Variants in PLPP3 observed in about 807,000 individuals in gnomAD.
PLPP3 encodes phospholipid phosphatase 3.
Under a neutral mutation model 29.6 loss-of-function variants are expected in PLPP3, and 6 were observed. The observed-to-expected ratio is 0.20, with a 90% confidence interval of 0.11 to 0.40. The LOEUF is 0.40. Ranked by LOEUF, PLPP3 falls within the 10% of genes least tolerant of loss-of-function variation. PLPP3 has a pLI of 1.00. For synonymous variants in PLPP3, 152 were observed against 159.7 expected (o/e 0.95, Z 0.36); for missense variants, 308 against 407.7 (o/e 0.76, Z 2.11).
chr1:56,563,527 T>G (rs968592190), intron 1 of PLPP3, among the ~76,000 whole-genome samples: 3 of 152,222 alleles, frequency 2.0e-5, no homozygotes, highest in African/African-American at 7.2e-5. Flanking sequence ...GCTCCTGACC[T>G]TTTCTTCTAA....
chr1:56,552,976 G>A (rs1276414628), intron 1 of PLPP3, among the ~76,000 whole-genome samples: 1 of 152,120 alleles, frequency 6.6e-6, no homozygotes, highest in Admixed American at 6.5e-5. Flanking sequence ...TTTCTTCGCT[G>A]AGCCTGTATT....
chr1:56,554,108 T>C (rs980856515), intron 1 of PLPP3, among the ~76,000 whole-genome samples: 2 of 151,918 alleles, frequency 1.3e-5, no homozygotes, highest in Admixed American at 6.6e-5. Flanking sequence ...ATTGAGAATA[T>C]GGATAGCAGA....
At chr1:56,562,424 T>A (rs1377094359) in intron 1 of PLPP3, among the ~76,000 whole-genome samples, 1 of 152,162 alleles carries the variant, frequency 6.6e-6, no homozygotes, top group African/African-American at 2.4e-5. Flanking sequence ...GTAAAGACAT[T>A]TTTTCAGATC....
At chr1:56,508,042 A>C (rs572528509) in intron 5 of PLPP3, among the ~76,000 whole-genome samples, 1 of 152,224 alleles carries the variant, frequency 6.6e-6, no homozygotes, top group South Asian at 2.1e-4. Context: ...CCCTTTTCCA[A>C]CTCCCAACTT....
intron 1 of PLPP3, among the ~76,000 whole-genome samples, chr1:56,557,032 GA>G (rs1646086255): frequency 9.0e-4 from 10 of 11,110 alleles, no homozygotes; most frequent in Non-Finnish European, 2.1e-3. Flanking sequence ...GAGAAAGAGA[GA>G]GAGAGAGAGA....
intron 1 of PLPP3, among the ~76,000 whole-genome samples, chr1:56,537,627 C>T (rs1435225769): frequency 6.6e-6 from 1 of 152,110 alleles, no homozygotes; most frequent in Non-Finnish European, 1.5e-5. Flanking sequence ...CTCCATTTCC[C>T]TGAGTCCCAG....
chr1:56,523,381 A>G (rs1645831904), intron 4 of PLPP3, among the ~76,000 whole-genome samples: 1 of 152,156 alleles, frequency 6.6e-6, no homozygotes, highest in Non-Finnish European at 1.5e-5. Context: ...TTACTTAGCA[A>G]TCTTTTCCCA....
chr1:56,552,887 T>C (rs1432194818), intron 1 of PLPP3, among the ~76,000 whole-genome samples: 2 of 152,150 alleles, frequency 1.3e-5, no homozygotes, highest in Non-Finnish European at 2.9e-5. Flanking sequence ...GCAGAGGCCC[T>C]CTGTGCAGCA....
At chr1:56,536,901 AC>A in intron 2 of PLPP3, 53 bp downstream of exon 2, 2 of 1,595,780 alleles carry the variant, frequency 1.3e-6, no homozygotes, top group East Asian at 4.5e-5. Context: ...CTATAATATG[AC>A]AATACAGGAA....
At chr1:56,496,950 G>A (rs1014146357) in intron 5 of PLPP3, among the ~76,000 whole-genome samples, 1 of 152,188 alleles carries the variant, frequency 6.6e-6, no homozygotes, top group African/African-American at 2.4e-5. Flanking sequence ...GCCCATATCT[G>A]CAACCCATAC....
intron 5 of PLPP3, among the ~76,000 whole-genome samples, chr1:56,508,783 C>G (rs1645720865): frequency 6.6e-6 from 1 of 152,160 alleles, no homozygotes; most frequent in South Asian, 2.1e-4. Context: ...TCATAGTTCC[C>G]TCTCCCAGGC....
chr1:56,520,821 G>GA (rs754999061), intron 4 of PLPP3, among the ~76,000 whole-genome samples: 8 of 135,512 alleles, frequency 5.9e-5, no homozygotes, highest in Admixed American at 8.5e-5. Context: ...TAAGGCAGGA[G>GA]AATTGCTTGA....
rs75088722 is a variant in PLPP3 at position 56,578,597 on chromosome 1, G to A, written c.139+281C>T. Among the ~76,000 whole-genome samples the A allele has an allele frequency of 6.3e-3, 958 of 152,340 alleles. 10 individuals carry two copies. Among genetic ancestry groups the A allele is most frequent in the African/African-American group, 0.022 (923 of 41,584 alleles). The stretch of plus-strand genomic sequence containing the variant: ...ACACCTTCCGCGGGATTCCGCCCGG[G>A]CTTCCAACGTGGAGACGACTTTTAC... On this transcript the variant is annotated intron_variant, in intron 1 of 5. Transcript: ENST00000371250.
chr1:56,560,107 T>C (rs1386181992), intron 1 of PLPP3, among the ~76,000 whole-genome samples: 1 of 152,104 alleles, frequency 6.6e-6, no homozygotes, highest in Non-Finnish European at 1.5e-5. Context: ...CTATACAGAG[T>C]ATACATTGTA....
At chr1:56,516,947 G>A (rs1237723652) in intron 4 of PLPP3, 2 of 152,192 alleles carry the variant, frequency 1.3e-5, no homozygotes, top group Admixed American at 1.3e-4. Flanking sequence ...GGGTCTTGTG[G>A]AATTCCAACA....
chr1:56,518,509 T>G (rs751608930), intron 4 of PLPP3, among the ~76,000 whole-genome samples: 17 of 152,072 alleles, frequency 1.1e-4, no homozygotes, highest in Non-Finnish European at 2.4e-4. Flanking sequence ...AAGTCCGTGA[T>G]GAGGAGACAA....
chr1:56,529,630 G>T (rs149828656), intron 2 of PLPP3, among the ~76,000 whole-genome samples: 4 of 152,274 alleles, frequency 2.6e-5, no homozygotes, highest in African/African-American at 9.6e-5. Flanking sequence ...CAGATGTATG[G>T]CTGTATTTTC....
At chr1:56,542,886 G>A (rs1222284779) in intron 1 of PLPP3, among the ~76,000 whole-genome samples, 3 of 149,432 alleles carry the variant, frequency 2.0e-5, no homozygotes, top group Admixed American at 2.0e-4. Flanking sequence ...GCCGAGTGTG[G>A]TGGTGCATGC....
At chr1:56,560,143 T>A (rs1157285665) in intron 1 of PLPP3, among the ~76,000 whole-genome samples, 2 of 152,146 alleles carry the variant, frequency 1.3e-5, no homozygotes, top group Admixed American at 6.5e-5. Context: ...CTGCCCAACA[T>A]CTACTCCAGA....
Sources: gnomAD v4.1 joint callset for allele counts (sites outside exome capture counted in the v4.1 genomes callset) on GRCh38, gnomAD v4.1.1 for gene constraint, MANE v1.5 for transcripts, NCBI Gene and HGNC (gene_info 2026-07-23, HGNC 2026-07-21) for gene names.